SYCP1: variants seen among roughly 807,000 people sequenced by gnomAD.
SYCP1 encodes synaptonemal complex protein 1, also known as cancer/testis antigen 8.
A neutral mutation model predicts 153.1 loss-of-function variants in SYCP1; 64 were observed. The ratio of observed to expected loss-of-function variants is 0.42; its 90% CI spans 0.34 to 0.51. The LOEUF (loss-of-function observed/expected upper bound fraction) is 0.51. Ranked by LOEUF, SYCP1 falls within the 20% of genes least tolerant of loss-of-function variation. The probability of loss-of-function intolerance (pLI) is 0.06; values close to 1 mark genes in which losing one functional copy is unlikely to be tolerated. For missense variants in SYCP1, 997 were observed against 1,049.0 expected (o/e 0.95, Z 0.68); for synonymous variants, 384 against 341.8 (o/e 1.12, Z -1.36).
rs1169945850 is a variant in SYCP1, at chr1:114,973,586, A to G, written c.2323-3971A>G. ...TAGGGTGAAATGAGCACATTTGTAT[A>G]TTGTGGCTCTCTTACTGAGCCTCAC... On this transcript the variant is annotated intron_variant, in intron 27 of 31. Transcript: ENST00000369522. Among the ~76,000 whole-genome samples the G allele has an allele frequency of 4.6e-5, 7 of 152,068 alleles. No homozygotes were observed. The East Asian group carries it at 1.2e-3, about 25-fold the overall frequency.
chr1:114,976,324 C>T (rs987246995), intron 27 of SYCP1, among the ~76,000 whole-genome samples: 4 of 151,632 alleles, frequency 2.6e-5, no homozygotes, highest in Admixed American at 6.6e-5. Flanking sequence ...TTTGCCAGGC[C>T]GTATTATAGG....
intron 28 of SYCP1, 94 bp from the exon 29 acceptor site, chr1:114,981,242 G>A (rs1023551080): frequency 6.3e-5 from 62 of 985,096 alleles, no homozygotes; most frequent in Non-Finnish European, 8.8e-5. Context: ...TTATTTTGTT[G>A]TGAATTCTAC....
intron 28 of SYCP1, among the ~76,000 whole-genome samples, chr1:114,980,844 C>A (rs1457359760): frequency 6.6e-6 from 1 of 151,818 alleles, no homozygotes; most frequent in Non-Finnish European, 1.5e-5. Context: ...AAACTTCTGT[C>A]ATGGGGGTTT....
At chr1:114,921,309 A>C (rs1668852425) in intron 20 of SYCP1, among the ~76,000 whole-genome samples, 1 of 152,016 alleles carries the variant, frequency 6.6e-6, no homozygotes, top group Non-Finnish European at 1.5e-5. Context: ...TGTTGTTTTT[A>C]TTTATATTTT....
intron 8 of SYCP1, chr1:114,862,986 T>G (rs1472198283): frequency 6.6e-6 from 1 of 152,074 alleles, no homozygotes; most frequent in Non-Finnish European, 1.5e-5. Flanking sequence ...CTTACAAGAG[T>G]GTATATTCCA....
At position 114,937,460 on chromosome 1, in the gene SYCP1, G is replaced by A. The variant is rs573373609; in HGVS notation, c.1927-6879G>A. Reference sequence around the variant, plus strand: ...AAAAACCCTAGAAGAAAACCTAGGCGATACCATTCAGGACATAGGCATGGG... The same window carrying A: ...AAAAACCCTAGAAGAAAACCTAGGCAATACCATTCAGGACATAGGCATGGG... On this transcript the variant is annotated intron_variant, in intron 23 of 31. Coordinates refer to ENST00000369522, the MANE Select transcript of SYCP1 (RefSeq NM_003176.4). Among the ~76,000 whole-genome samples, 34 of 151,664 alleles carry A rather than the reference G, an allele frequency of 2.2e-4. No individual in the cohort carries two copies. In the South Asian group the frequency reaches 5.4e-3, roughly 24 times the overall value.
chr1:114,915,542 C>T (rs74116191), intron 20 of SYCP1, among the ~76,000 whole-genome samples: 1 of 147,754 alleles, frequency 6.8e-6, no homozygotes, highest in African/African-American at 2.4e-5. Flanking sequence ...TGGTTGAATC[C>T]GTTAGAAGCC....
intron 28 of SYCP1, 135 bp downstream of exon 28, chr1:114,977,751 T>A: frequency 1.7e-6 from 1 of 578,360 alleles, no homozygotes; most frequent in Non-Finnish European, 2.8e-6. Flanking sequence ...AAATTGTTTC[T>A]TGCTATTTAT....
At chr1:114,948,994 A>G (rs73004466) in intron 27 of SYCP1, among the ~76,000 whole-genome samples, 4,031 of 152,270 alleles carry the variant, frequency 0.026, 214 homozygotes, top group African/African-American at 0.093. Context: ...ACACCAGGCC[A>G]AAGAGACATT....
At chr1:114,961,426 A>G (rs1352373160) in intron 27 of SYCP1, among the ~76,000 whole-genome samples, 1 of 152,028 alleles carries the variant, frequency 6.6e-6, no homozygotes. Flanking sequence ...TTGAGATGTG[A>G]CCTTAGATTG....
At chr1:114,948,321 TTA>T (rs1670880535) in intron 27 of SYCP1, among the ~76,000 whole-genome samples, 1 of 152,136 alleles carries the variant, frequency 6.6e-6, no homozygotes, top group Non-Finnish European at 1.5e-5. Flanking sequence ...ATCCCACAAT[TTA>T]TTATTATCTT....
chr1:114,907,582 CTT>C (rs542034470), intron 16 of SYCP1, among the ~76,000 whole-genome samples: 36 of 134,194 alleles, frequency 2.7e-4, no homozygotes, highest in Admixed American at 3.0e-4. Flanking sequence ...AATGTTGAAA[CTT>C]TTTTTTTTTT....
chr1:114,898,860 T>C (rs1249033799), intron 16 of SYCP1, among the ~76,000 whole-genome samples: 1 of 152,210 alleles, frequency 6.6e-6, no homozygotes, highest in East Asian at 1.9e-4. Flanking sequence ...AGCCATGGAT[T>C]TGTATCCTCA....
intron 5 of SYCP1, 74 bp from the exon 6 acceptor site, chr1:114,858,473 A>AT: frequency 2.3e-6 from 3 of 1,304,738 alleles, no homozygotes; most frequent in Admixed American, 2.4e-5. Context: ...GTATATGGAT[A>AT]TTTTCAGTAG....
intron 16 of SYCP1, among the ~76,000 whole-genome samples, chr1:114,908,627 C>G (rs965530822): frequency 6.6e-6 from 1 of 152,142 alleles, no homozygotes; most frequent in African/African-American, 2.4e-5. Flanking sequence ...CTTGTAATCT[C>G]CATTGTGCTC....
intron 8 of SYCP1, 128 bp from the exon 9 acceptor site, chr1:114,874,378 A>G: frequency 1.8e-6 from 1 of 563,292 alleles, no homozygotes; most frequent in Non-Finnish European, 3.1e-6. Context: ...GTAATGATTT[A>G]GATAACCCAA....
chr1:114,934,848 A>G (rs1305192536), intron 23 of SYCP1, among the ~76,000 whole-genome samples: 1 of 152,220 alleles, frequency 6.6e-6, no homozygotes, highest in East Asian at 1.9e-4. Context: ...ATTCAACAAG[A>G]AGAGCTAACC....
At chr1:114,866,879 G>C (rs360625) in intron 8 of SYCP1, among the ~76,000 whole-genome samples, 53,252 of 150,554 alleles carry the variant, frequency 0.35, 10,394 homozygotes, top group East Asian at 0.5. Flanking sequence ...TTTTGTTAAG[G>C]GTGTAAGATC....
At chr1:114,904,154 T>C (rs1311506071) in intron 16 of SYCP1, among the ~76,000 whole-genome samples, 1 of 151,678 alleles carries the variant, frequency 6.6e-6, no homozygotes, top group Non-Finnish European at 1.5e-5. Flanking sequence ...TCTTGCTCTG[T>C]TGCCCAGGCT....
Sources: allele counts gnomAD v4.1 joint callset (sites outside exome capture counted in the v4.1 genomes callset), GRCh38; gene constraint gnomAD v4.1.1; transcripts MANE v1.5; gene names NCBI Gene and HGNC (gene_info 2026-07-23, HGNC 2026-07-21).